The following DYNC2H1 variants were observed in gnomAD, a reference collection of about 807,000 sequenced individuals.
DYNC2H1 encodes the protein dynein cytoplasmic 2 heavy chain 1.
DYNC2H1 carries 410 observed loss-of-function variants against 570.0 expected under a neutral mutation model. The ratio of observed to expected loss-of-function variants is 0.72; its 90% CI spans 0.66 to 0.78. The LOEUF (loss-of-function observed/expected upper bound fraction) is 0.78. DYNC2H1 is among the 30% of genes least tolerant of loss of function. The probability of loss-of-function intolerance (pLI) is 0.00; values close to 1 mark genes in which losing one functional copy is unlikely to be tolerated. For missense variants in DYNC2H1, 4,865 were observed against 5,046.4 expected (o/e 0.96, Z 1.09); for synonymous variants, 1,688 against 1,677.6 (o/e 1.01, Z -0.15).
chr11:103,291,169 G>A (rs1242152520), intron 75 of DYNC2H1, among the ~76,000 whole-genome samples: 3 of 152,168 alleles, frequency 2.0e-5, no homozygotes, highest in Non-Finnish European at 4.4e-5. Flanking sequence ...TGGGCGTGGT[G>A]GCTCATGCCT....
At chr11:103,293,856 C>G (rs566277080) in intron 75 of DYNC2H1, among the ~76,000 whole-genome samples, 4 of 152,110 alleles carry the variant, frequency 2.6e-5, no homozygotes, top group Non-Finnish European at 4.4e-5. Flanking sequence ...TTGGGCGGAT[C>G]ACTTGAGGTC....
intron 77 of DYNC2H1, among the ~76,000 whole-genome samples, chr11:103,306,814 A>G (rs12276195): frequency 0.035 from 5,268 of 152,230 alleles, 315 homozygotes; most frequent in African/African-American, 0.12. Flanking sequence ...TAAATTTACA[A>G]ATACTTGCTG....
At chr11:103,136,141 A>AT (rs898152583) in intron 17 of DYNC2H1, among the ~76,000 whole-genome samples, 193 bp downstream of exon 17, 16 of 146,452 alleles carry the variant, frequency 1.1e-4, no homozygotes, top group South Asian at 2.1e-4. Flanking sequence ...TATGGGAAAG[A>AT]TTTTTTTTTT....
intron 83 of DYNC2H1, among the ~76,000 whole-genome samples, chr11:103,374,497 A>G (rs1565538634): frequency 6.6e-6 from 1 of 152,188 alleles, no homozygotes; most frequent in Non-Finnish European, 1.5e-5. Context: ...TAATGGGCAG[A>G]GGTTGGAACA....
chr11:103,285,424 CTTTTT>C (rs60667279), intron 73 of DYNC2H1, among the ~76,000 whole-genome samples: 2 of 136,996 alleles, frequency 1.5e-5, no homozygotes, highest in Admixed American at 7.4e-5. Context: ...TTTTTCTTTT[CTTTTT>C]TTTTTTTTTT....
intron 21 of DYNC2H1, among the ~76,000 whole-genome samples, chr11:103,152,707 T>C (rs1190369628): frequency 3.9e-5 from 6 of 152,158 alleles, no homozygotes; most frequent in Non-Finnish European, 7.4e-5. Flanking sequence ...GCTTCATAAC[T>C]TTGTCTGGGT....
At chr11:103,286,482 C>G in intron 74 of DYNC2H1, 96 bp downstream of exon 74, 1 of 1,409,610 alleles carries the variant, frequency 7.1e-7, no homozygotes, top group Non-Finnish European at 9.6e-7. Flanking sequence ...TAGAGTGTTA[C>G]TTTACCTTTA....
intron 40 of DYNC2H1, among the ~76,000 whole-genome samples, chr11:103,182,189 C>T (rs757148538): frequency 2.0e-5 from 3 of 151,008 alleles, no homozygotes; most frequent in Non-Finnish European, 3.0e-5. Flanking sequence ...CATCTTGCTG[C>T]CACTTTTTAC....
At chr11:103,332,952 G>A (rs1456414553) in intron 82 of DYNC2H1, among the ~76,000 whole-genome samples, 1 of 151,762 alleles carries the variant, frequency 6.6e-6, no homozygotes, top group East Asian at 2.0e-4. Flanking sequence ...ACAGTGAGCC[G>A]AGATCATGCC....
chr11:103,432,378 C>T (rs1943922859), intron 84 of DYNC2H1, among the ~76,000 whole-genome samples: 2 of 152,136 alleles, frequency 1.3e-5, no homozygotes, highest in African/African-American at 4.8e-5. Flanking sequence ...GTAAGAGGAT[C>T]AGCTTGGATG....
intron 85 of DYNC2H1, 42 bp from the exon 86 acceptor site, chr11:103,455,144 A>G: frequency 2.1e-6 from 3 of 1,436,392 alleles, no homozygotes; most frequent in Non-Finnish European, 2.9e-6. Context: ...ATTGACTTAT[A>G]AGTGTGTGTG....
intron 82 of DYNC2H1, among the ~76,000 whole-genome samples, chr11:103,357,621 G>A (rs548791713): frequency 3.3e-5 from 5 of 152,134 alleles, no homozygotes; most frequent in Admixed American, 1.3e-4. Flanking sequence ...GACACTGAGC[G>A]GTTATTAATT....
chr11:103,109,505 C>G lies in DYNC2H1; in HGVS notation c.-70C>G. The G allele has an allele frequency of 2.1e-6, 3 of 1,455,160 alleles. No homozygotes were observed. Among genetic ancestry groups the G allele is most frequent in the Non-Finnish European group, 2.8e-6 (3 of 1,063,920 alleles). The allele number at this position is 1,455,160 out of a possible 1,614,324, so 90.1% of individuals were successfully genotyped here. A position where few individuals can be genotyped will look rare whatever the true frequency, so the allele number is the denominator to read the frequency against. On this transcript the variant is annotated 5_prime_UTR_variant, in exon 1 of 89. Transcript: ENST00000375735. The stretch of plus-strand genomic sequence containing the variant: ...GGTTTGAGCAAAGCTCCTCTCTTCC[C>G]TTCACTTCCCTCCGGACTGGTTTCT...
chr11:103,162,443 ATTATT>A (rs1861135685), intron 29 of DYNC2H1, among the ~76,000 whole-genome samples: 1 of 152,138 alleles, frequency 6.6e-6, no homozygotes, highest in East Asian at 1.9e-4. Context: ...TTAACTTTTT[ATTATT>A]TTATATATAA....
intron 48 of DYNC2H1, among the ~76,000 whole-genome samples, chr11:103,198,714 T>C (rs1206771650): frequency 4.6e-5 from 7 of 152,174 alleles, no homozygotes; most frequent in Non-Finnish European, 8.8e-5. Context: ...TTGTTAAATA[T>C]GTAAAGTCTA....
At chr11:103,194,491 C>T (rs1295824681) in intron 47 of DYNC2H1, among the ~76,000 whole-genome samples, 2 of 152,132 alleles carry the variant, frequency 1.3e-5, no homozygotes, top group Non-Finnish European at 2.9e-5. Flanking sequence ...AAGCAACTAA[C>T]AGGCTTTTTT....
At chr11:103,196,436 G>A (rs1862106313) in intron 47 of DYNC2H1, among the ~76,000 whole-genome samples, 1 of 152,114 alleles carries the variant, frequency 6.6e-6, no homozygotes, top group Admixed American at 6.6e-5. Context: ...TTTAAACACA[G>A]GTGCTCAATA....
At chr11:103,361,240 C>A (rs1400464702) in intron 83 of DYNC2H1, among the ~76,000 whole-genome samples, 2 of 152,082 alleles carry the variant, frequency 1.3e-5, no homozygotes, top group African/African-American at 2.4e-5. Flanking sequence ...AAGAATAGAG[C>A]CCTCACAAAT....
At chr11:103,279,610 T>A (rs1369634072) in intron 70 of DYNC2H1, among the ~76,000 whole-genome samples, 1 of 152,162 alleles carries the variant, frequency 6.6e-6, no homozygotes, top group Non-Finnish European at 1.5e-5. Flanking sequence ...TGTGTTGTAG[T>A]TTTCTGATAA....
Sources: gnomAD v4.1 joint callset for allele counts (sites outside exome capture counted in the v4.1 genomes callset) on GRCh38, gnomAD v4.1.1 for gene constraint, MANE v1.5 for transcripts, NCBI Gene and HGNC (gene_info 2026-07-23, HGNC 2026-07-21) for gene names.